The following UNC13B variants were observed in gnomAD, a reference collection of about 807,000 sequenced individuals.
UNC13B encodes the protein unc-13 homolog B.
Under a neutral mutation model 211.0 loss-of-function variants are expected in UNC13B, and 144 were observed. That is an observed-to-expected ratio of 0.68 (90% CI 0.60 to 0.78). The LOEUF is 0.78. Among genes scored for constraint, UNC13B ranks in the 30% least tolerant of loss-of-function variants. UNC13B has a pLI of 0.00. For missense variants in UNC13B, 1,777 were observed against 2,002.0 expected, an observed-to-expected ratio of 0.89 and a Z score of 2.14; for synonymous variants, 709 against 725.8, an observed-to-expected ratio of 0.98 and a Z score of 0.37.
rs77155660 is a variant in UNC13B at position 35,184,953 on chromosome 9, G to A, written c.22+22648G>A. Among the ~76,000 whole-genome samples, 350 of 151,786 alleles carry A rather than the reference G, an allele frequency of 2.3e-3. 6 individuals carry two copies. In the East Asian group the frequency reaches 0.06, roughly 26 times the overall value. The stretch of plus-strand genomic sequence containing the variant: ...CATTGTTTTATAATCTTTTTTCTTG[G>A]TCTTCAAAACAATAAAATATTTTTT... On this transcript the variant is annotated intron_variant, in intron 1 of 39. Transcript: ENST00000635942.
intron 7 of UNC13B, among the ~76,000 whole-genome samples, chr9:35,280,494 G>A (rs1230355751): frequency 6.6e-6 from 1 of 152,086 alleles, no homozygotes; most frequent in Non-Finnish European, 1.5e-5. Flanking sequence ...TGAGAGACAC[G>A]AAAATATACT....
At chr9:35,339,593 T>G (rs1831864119) in intron 11 of UNC13B, among the ~76,000 whole-genome samples, 1 of 152,214 alleles carries the variant, frequency 6.6e-6, no homozygotes, top group Admixed American at 6.5e-5. Flanking sequence ...TGCTGGAACA[T>G]GGGAAGGTGG....
At chr9:35,386,344 C>T in intron 24 of UNC13B, 51 bp downstream of exon 24, 1 of 1,609,042 alleles carries the variant, frequency 6.2e-7, no homozygotes, top group Non-Finnish European at 8.5e-7. Context: ...TCTTTGGAGC[C>T]TCAGTTTTCC....
intron 1 of UNC13B, among the ~76,000 whole-genome samples, chr9:35,183,359 G>A (rs1199150924): frequency 7.1e-6 from 1 of 141,572 alleles, no homozygotes; most frequent in East Asian, 2.2e-4. Flanking sequence ...AGGCGGGGCG[G>A]CCGGGCAGAG....
intron 1 of UNC13B, among the ~76,000 whole-genome samples, chr9:35,188,455 C>A (rs1028821845): frequency 1.4e-4 from 21 of 152,150 alleles, no homozygotes; most frequent in African/African-American, 4.8e-4. Context: ...AAGTCACATG[C>A]AATTTTGGAA....
intron 1 of UNC13B, among the ~76,000 whole-genome samples, chr9:35,172,133 C>A (rs1258163804): frequency 2.6e-5 from 4 of 151,360 alleles, no homozygotes; most frequent in Admixed American, 2.6e-4. Flanking sequence ...CCTCCGCCTC[C>A]CAAAGTGCTG....
rs1465977636 is a variant in UNC13B, at chr9:35,396,750, C to T, written c.11436-91C>T. On this transcript the variant is annotated intron_variant, in intron 27 of 39. Coordinates refer to ENST00000635942, the MANE Select transcript of UNC13B (RefSeq NM_001371189.2). ...AGAAAAGTGTTAAACTGTGCCCTGC[C>T]ATCCCGAGGACCCCAGTCTGGTGGA... is the stretch of plus-strand genomic sequence containing the variant. The T allele has an allele frequency of 3.8e-6, 6 of 1,598,448 alleles. No homozygotes were observed. The East Asian group carries it at 8.9e-5, about 24-fold the overall frequency.
chr9:35,219,931 C>T (rs748215359), intron 1 of UNC13B, among the ~76,000 whole-genome samples: 1 of 151,996 alleles, frequency 6.6e-6, no homozygotes, highest in African/African-American at 2.4e-5. Flanking sequence ...TATTCATTCT[C>T]TTATTTTTTT....
In UNC13B at chr9:35,236,514, C is replaced by G. The variant is rs753018791; in HGVS notation, c.198C>G (p.Asn66Lys). Residue 66 changes from asparagine (N) to lysine (K), a missense_variant, in exon 4 of 40, where the codon AAC becomes AAG. Physicochemically the swap from Asn to Lys is moderately conservative, Grantham distance 94 (BLOSUM62 0). Coordinates refer to ENST00000635942, the MANE Select transcript of UNC13B (RefSeq NM_001371189.2). ...LDLGLSVEVW[N>K]KGLIWDTMVG... ...TGGGTCTAAGTGTGGAGGTATGGAA[C>G]AAAGGACTGATCTGGGACACCATGG... The G allele has an allele frequency of 6.2e-7, 1 of 1,614,064 alleles. No homozygotes were observed. The highest frequency in any genetic ancestry group is 1.7e-5 in the Admixed American group (1 of 60,012).
intron 7 of UNC13B, among the ~76,000 whole-genome samples, chr9:35,270,462 G>T (rs1827815157): frequency 1.3e-5 from 2 of 151,942 alleles, no homozygotes; most frequent in African/African-American, 2.4e-5. Context: ...GAGAACCTCT[G>T]TTCCCAAGAA....
chr9:35,172,216 G>A (rs1162284333), intron 1 of UNC13B, among the ~76,000 whole-genome samples: 3 of 151,198 alleles, frequency 2.0e-5, no homozygotes, highest in Admixed American at 6.6e-5. Flanking sequence ...ATAGATGTAT[G>A]TGTTTTGGGG....
intron 11 of UNC13B, among the ~76,000 whole-genome samples, chr9:35,326,004 G>T (rs1830985120): frequency 6.6e-6 from 1 of 152,208 alleles, no homozygotes; most frequent in Non-Finnish European, 1.5e-5. Flanking sequence ...GAATGGAACC[G>T]CTAGGTCATA....
At position 35,162,247 on chromosome 9, in the gene UNC13B, G is replaced by A. The variant is rs1379110262; in HGVS notation, c.-37G>A. On this transcript the variant is annotated 5_prime_UTR_variant, in exon 1 of 40. Transcript: ENST00000635942. Reference sequence around the variant, plus strand: ...GAGGAAAGAGGGAGCGGTCCGGCGCGGCTGGGGCGCGGCAGAGGCTTGCCC... The same window carrying A: ...GAGGAAAGAGGGAGCGGTCCGGCGCAGCTGGGGCGCGGCAGAGGCTTGCCC... 6.5e-7 allele frequency: 1 copy of A among 1,542,504 alleles called. No homozygotes were observed. The highest frequency in any genetic ancestry group is 8.7e-7 in the Non-Finnish European group (1 of 1,147,038).
At chr9:35,356,134 G>C (rs1833005051) in intron 11 of UNC13B, among the ~76,000 whole-genome samples, 1 of 152,220 alleles carries the variant, frequency 6.6e-6, no homozygotes, top group Admixed American at 6.5e-5. Flanking sequence ...GCTGCAGACA[G>C]AATCATGGAC....
At position 35,381,811 on chromosome 9, in the gene UNC13B, G is replaced by A. The variant is rs1438192169; in HGVS notation, c.10655+92G>A. ...ACATGGTGGGCAGGTCCTTAGTGAG[G>A]TAGCATGCAGTGATTCCTTTACTTT... On this transcript the variant is annotated intron_variant, in intron 20 of 39. Coordinates refer to ENST00000635942, the MANE Select transcript of UNC13B (RefSeq NM_001371189.2). 2.0e-6 allele frequency: 3 copies of A among 1,474,126 alleles called. No individual in the cohort carries two copies. The African/African-American group carries it at 4.2e-5, about 20-fold the overall frequency. 91.3% of individuals were successfully genotyped at this position (1,474,126 alleles called of 1,614,324 possible).
chr9:35,321,793 A>T (rs1034418438), intron 11 of UNC13B, among the ~76,000 whole-genome samples: 2 of 151,934 alleles, frequency 1.3e-5, no homozygotes, highest in Non-Finnish European at 2.9e-5. Context: ...GAGCCATCAC[A>T]CTCGGCTTCA....
intron 3 of UNC13B, among the ~76,000 whole-genome samples, chr9:35,231,464 A>T (rs891117228): frequency 6.6e-6 from 1 of 152,200 alleles, no homozygotes; most frequent in Non-Finnish European, 1.5e-5. Context: ...ATGATAATGC[A>T]GGTAAACTCC....
chr9:35,278,786 A>G (rs887944171), intron 7 of UNC13B, among the ~76,000 whole-genome samples: 30 of 152,296 alleles, frequency 2.0e-4, no homozygotes, highest in African/African-American at 7.0e-4. Flanking sequence ...GTAAAAATGT[A>G]TGCTATGAAA....
chr9:35,244,260 A>G (rs1825963910), intron 6 of UNC13B, among the ~76,000 whole-genome samples: 2 of 152,190 alleles, frequency 1.3e-5, no homozygotes, highest in Non-Finnish European at 2.9e-5. Flanking sequence ...CAAGGCAGAA[A>G]TTCTTGACAG....
Sources: allele counts gnomAD v4.1 joint callset (sites outside exome capture counted in the v4.1 genomes callset), GRCh38; gene constraint gnomAD v4.1.1; transcripts MANE v1.5; gene names NCBI Gene and HGNC (gene_info 2026-07-23, HGNC 2026-07-21).